DTNA: variants seen among roughly 807,000 people sequenced by gnomAD.
DTNA encodes the protein dystrophin-related protein 3.
A neutral mutation model predicts 100.7 loss-of-function variants in DTNA; 43 were observed. That is an observed-to-expected ratio of 0.43 (90% CI 0.33 to 0.55). The LOEUF (loss-of-function observed/expected upper bound fraction) is 0.55. Among genes scored for constraint, DTNA ranks in the 20% least tolerant of loss-of-function variants. The pLI, the probability that DTNA is intolerant of heterozygous loss-of-function variation, is 0.04. For missense variants in DTNA, 798 were observed against 953.9 expected, an observed-to-expected ratio of 0.84 and a Z score of 2.15; for synonymous variants, 349 against 347.9, an observed-to-expected ratio of 1.00 and a Z score of -0.04.
intron 1 of DTNA, among the ~76,000 whole-genome samples, chr18:34,509,257 A>G (rs1485472492): frequency 6.6e-6 from 1 of 152,148 alleles, no homozygotes; most frequent in Non-Finnish European, 1.5e-5. Context: ...TTTCTAAAAT[A>G]AAGGCCCCCA....
chr18:34,533,500 C>T (rs1305360710), intron 1 of DTNA, among the ~76,000 whole-genome samples: 1 of 151,956 alleles, frequency 6.6e-6, no homozygotes, highest in Non-Finnish European at 1.5e-5. Context: ...GTTGGTAGCT[C>T]TCAAATATGT....
chr18:34,847,042 T>C (rs2096391931), intron 13 of DTNA, among the ~76,000 whole-genome samples: 1 of 152,216 alleles, frequency 6.6e-6, no homozygotes, highest in African/African-American at 2.4e-5. Flanking sequence ...TCTGAACTGA[T>C]ACATACCACA....
At chr18:34,773,394 G>T (rs1405986540) in intron 3 of DTNA, among the ~76,000 whole-genome samples, 1 of 152,144 alleles carries the variant, frequency 6.6e-6, no homozygotes, top group Non-Finnish European at 1.5e-5. Flanking sequence ...AAGAGAAATC[G>T]AACCAGAGAA....
intron 17 of DTNA, chr18:34,867,193 T>C: frequency 8.1e-7 from 1 of 1,231,448 alleles, no homozygotes; most frequent in Non-Finnish European, 1.0e-6. Flanking sequence ...TGCTCTTTTC[T>C]ATTATTCATT....
chr18:34,771,414 G>C (rs557463094), intron 3 of DTNA, among the ~76,000 whole-genome samples: 1 of 152,222 alleles, frequency 6.6e-6, no homozygotes, highest in South Asian at 2.1e-4. Flanking sequence ...CAGGAGAATG[G>C]CATGAACCCG....
chr18:34,702,669 A>G (rs2081543519), intron 1 of DTNA, among the ~76,000 whole-genome samples: 1 of 152,106 alleles, frequency 6.6e-6, no homozygotes, highest in African/African-American at 2.4e-5. Flanking sequence ...TTTTCCACCT[A>G]TATCACCCAT....
intron 1 of DTNA, among the ~76,000 whole-genome samples, chr18:34,599,767 T>G (rs1369609756): frequency 6.6e-6 from 1 of 152,152 alleles, no homozygotes; most frequent in Non-Finnish European, 1.5e-5. Flanking sequence ...AGCCTCTACC[T>G]CCTGGGTTCA....
At chr18:34,813,394 G>T in intron 6 of DTNA, among the ~76,000 whole-genome samples, 1 of 151,400 alleles carries the variant, frequency 6.6e-6, no homozygotes, top group East Asian at 2.0e-4. Context: ...GCTTAAGCCC[G>T]GATGGCGCCA....
chr18:34,510,281 G>T (rs1379100943), intron 1 of DTNA, among the ~76,000 whole-genome samples: 1 of 151,586 alleles, frequency 6.6e-6, no homozygotes, highest in Non-Finnish European at 1.5e-5. Context: ...CATCTATTTT[G>T]TTTTTGTGTG....
chr18:34,874,432 A>G (rs2096795296), intron 17 of DTNA, among the ~76,000 whole-genome samples: 1 of 152,256 alleles, frequency 6.6e-6, no homozygotes, highest in African/African-American at 2.4e-5. Flanking sequence ...CAAATCCTTA[A>G]GATTCAAAGT....
chr18:34,768,663 G>T, intron 3 of DTNA, among the ~76,000 whole-genome samples: 1 of 152,146 alleles, frequency 6.6e-6, no homozygotes, highest in East Asian at 1.9e-4. Flanking sequence ...TCCATCCCTG[G>T]GTGAAAATAG....
At chr18:34,829,109 A>G (rs780235016) in intron 10 of DTNA, 14 of 1,613,956 alleles carry the variant, frequency 8.7e-6, no homozygotes, top group African/African-American at 1.3e-5. Context: ...AAATATTCCT[A>G]TAATACTTTG....
At chr18:34,536,111 G>A (rs2043685418) in intron 1 of DTNA, among the ~76,000 whole-genome samples, 1 of 151,880 alleles carries the variant, frequency 6.6e-6, no homozygotes. Context: ...TTCTGACAAT[G>A]TTTTTATACT....
chr18:34,534,915 C>T (rs1308086411), intron 1 of DTNA, among the ~76,000 whole-genome samples: 5 of 152,214 alleles, frequency 3.3e-5, no homozygotes, highest in East Asian at 1.9e-4. Context: ...AGGTTGGTCC[C>T]TAGTCTTTGC....
chr18:34,638,997 A>G (rs1347891924), intron 1 of DTNA, among the ~76,000 whole-genome samples: 2 of 152,072 alleles, frequency 1.3e-5, no homozygotes, highest in Non-Finnish European at 2.9e-5. Context: ...ATGTGCCACC[A>G]TGTCCGGCTA....
chr18:34,791,498 AC>A (rs2094740841), intron 3 of DTNA, among the ~76,000 whole-genome samples: 1 of 152,226 alleles, frequency 6.6e-6, no homozygotes, highest in Non-Finnish European at 1.5e-5. Context: ...GCTCTTCCCA[AC>A]TAGAATTTAA....
At chr18:34,584,071 C>T (rs2048892001) in intron 1 of DTNA, among the ~76,000 whole-genome samples, 1 of 152,150 alleles carries the variant, frequency 6.6e-6, no homozygotes, top group Non-Finnish European at 1.5e-5. Flanking sequence ...GCTCCCAGGA[C>T]ACTGGCAACC....
chr18:34,853,248 A>G (rs1035983091), intron 15 of DTNA, among the ~76,000 whole-genome samples: 1 of 152,188 alleles, frequency 6.6e-6, no homozygotes, highest in African/African-American at 2.4e-5. Context: ...CATTCTAGTA[A>G]TATATTTCTT....
At chr18:34,705,299 A>AC (rs961053622), upstream of DTNA, among the ~76,000 whole-genome samples, 20 of 152,256 alleles carry the variant, frequency 1.3e-4, 1 homozygote, top group South Asian at 3.5e-3. Flanking sequence ...TCCCTGATAA[A>AC]AAAAAAATAA....
Sources: gnomAD v4.1 joint callset for allele counts (sites outside exome capture counted in the v4.1 genomes callset) on GRCh38, gnomAD v4.1.1 for gene constraint, MANE v1.5 for transcripts, NCBI Gene and HGNC (gene_info 2026-07-23, HGNC 2026-07-21) for gene names.